RUBCN: variants seen among roughly 807,000 people sequenced by gnomAD.
RUBCN encodes the protein run domain Beclin-1-interacting and cysteine-rich domain-containing protein.
RUBCN carries 74 observed loss-of-function variants against 113.2 expected under a neutral mutation model. The ratio of observed to expected loss-of-function variants is 0.65; its 90% CI spans 0.54 to 0.79. The LOEUF (loss-of-function observed/expected upper bound fraction) is 0.79, where lower values mean the gene tolerates loss of function less well. Among genes scored for constraint, RUBCN ranks in the 30% least tolerant of loss-of-function variants. The probability of loss-of-function intolerance (pLI) is 0.00; values close to 1 mark genes in which losing one functional copy is unlikely to be tolerated. For synonymous variants in RUBCN, 480 were observed against 490.0 expected (o/e 0.98, Z 0.27); for missense variants, 1,109 against 1,251.7 (o/e 0.89, Z 1.72).
intron 16 of RUBCN, 82 bp from the exon 17 acceptor site, chr3:197,677,623 C>A: frequency 7.7e-7 from 1 of 1,293,798 alleles, no homozygotes; most frequent in Non-Finnish European, 1.1e-6. Flanking sequence ...GGCCTTTAAA[C>A]CCTGGGGTTC....
chr3:197,725,795 G>A (rs1472197708), intron 1 of RUBCN, among the ~76,000 whole-genome samples: 1 of 152,244 alleles, frequency 6.6e-6, no homozygotes, highest in Admixed American at 6.5e-5. Context: ...ACATACGGAT[G>A]AAAAATCCCT....
rs747361494 is a variant in RUBCN, at chr3:197,693,867, T to C, written c.1685-51A>G. The C allele has an allele frequency of 4.1e-6, 5 of 1,229,404 alleles. No individual in the cohort carries two copies. In the Admixed American group the frequency reaches 8.4e-5, roughly 21 times the overall value. The allele number at this position is 1,229,404 out of a possible 1,614,324, so 76.2% of individuals were successfully genotyped here. A position where few individuals can be genotyped will look rare whatever the true frequency, so the allele number is the denominator to read the frequency against. ...ATAAACAGGGCAGAAAGAGGTCTTC[T>C]TGTCCTTCCAGTGTCACAATATAAG... is the stretch of plus-strand genomic sequence containing the variant. On this transcript the variant is annotated intron_variant, in intron 10 of 19. Transcript: ENST00000296343.
At chr3:197,684,256 CG>C (rs1284659323) in intron 11 of RUBCN, 39 bp from the exon 12 acceptor site, 1 of 1,547,378 alleles carries the variant, frequency 6.5e-7, no homozygotes. Context: ...GCAATGGAAA[CG>C]GGGTGGGTAA....
At chr3:197,738,753 T>A (rs183435825), upstream of RUBCN, among the ~76,000 whole-genome samples, 60 of 126,046 alleles carry the variant, frequency 4.8e-4, no homozygotes, top group East Asian at 0.011. Flanking sequence ...GCTAATTTGT[T>A]TTTTTTTTTT....
At position 197,714,183 on chromosome 3, in the gene RUBCN, G is replaced by A. The variant is rs561016638; in HGVS notation, c.219+3794C>T. ...TGTGAGCAGTCTGATTCAAAAGTCC[G>A]TAATTTTAACTGCTACGTCACTTTA... On this transcript the variant is annotated intron_variant, in intron 2 of 19. Transcript: ENST00000296343. 5.3e-5 allele frequency among the ~76,000 whole-genome samples: 8 copies of A among 152,272 alleles called. No individual in the cohort carries two copies. In the South Asian group the frequency reaches 8.3e-4, roughly 16 times the overall value.
chr3:197,676,938 G>A lies in RUBCN; in HGVS notation c.2593C>T (p.Pro865Ser), dbSNP rs376725486. The A allele has an allele frequency of 1.2e-6, 2 of 1,614,088 alleles. No individual in the cohort carries two copies. Among genetic ancestry groups the A allele is most frequent in the Admixed American group, 1.7e-5 (1 of 60,014 alleles). Residue 865 changes from proline to serine, a missense_variant, in exon 18 of 20, where the codon CCC becomes TCC. Pro to Ser is a moderately conservative substitution (Grantham distance 74). This residue lies in a region of RUBCN where 306 missense variants were observed against 348.9 expected (regional missense o/e 0.88). Transcript: ENST00000296343. The part of the protein sequence containing the change: ...LTATRKGELG[P>S]RLAELTRAGA... ...GCCCTGGTGAGCTCAGCAAGCCGGG[G>A]CCCCAGCTCCCCCTTCCTGGTCGCA...
At chr3:197,691,089 C>T (rs1722372230) in intron 11 of RUBCN, 1 of 1,289,204 alleles carries the variant, frequency 7.8e-7, no homozygotes, top group Non-Finnish European at 1.0e-6. Context: ...AACATCGAGG[C>T]CAGTGACACT....
chr3:197,691,478 A>G (rs2108876797), intron 11 of RUBCN, among the ~76,000 whole-genome samples: 1 of 152,178 alleles, frequency 6.6e-6, no homozygotes, highest in Admixed American at 6.6e-5. Context: ...GAATGACACT[A>G]AACATCTTAC....
rs143705065 is a variant in RUBCN at position 197,684,997 on chromosome 3, C to T, written c.1787-780G>A. 8.7e-4 allele frequency among the ~76,000 whole-genome samples: 133 copies of T among 152,310 alleles called. 1 individual carries two copies. The highest frequency in any genetic ancestry group is 3.1e-3 in the African/African-American group (127 of 41,578). Reference sequence around the variant, plus strand: ...TGGAGGAAAAGGAACTTCTCTACAGCTTTGCAGCTCTCTGGAGATGCCTGG... The same window carrying T: ...TGGAGGAAAAGGAACTTCTCTACAGTTTTGCAGCTCTCTGGAGATGCCTGG... On this transcript the variant is annotated intron_variant, in intron 11 of 19. Transcript: ENST00000296343.
chr3:197,739,044 G>C (rs985688129), upstream of RUBCN, among the ~76,000 whole-genome samples: 5 of 151,442 alleles, frequency 3.3e-5, no homozygotes, highest in East Asian at 7.9e-4. Context: ...GGGTTCAAGC[G>C]ATTCTCCTGC....
intron 7 of RUBCN, chr3:197,699,227 G>A: frequency 6.5e-7 from 1 of 1,548,742 alleles, no homozygotes; most frequent in Non-Finnish European, 8.7e-7. Flanking sequence ...TATTCCTGGG[G>A]CCTCCTGCCG....
chr3:197,694,405 G>A lies in RUBCN; in HGVS notation c.1654C>T (p.Leu552Phe). 6.2e-7 allele frequency: 1 copy of A among 1,614,256 alleles called. No homozygotes were observed. The highest frequency in any genetic ancestry group is 8.5e-7 in the Non-Finnish European group (1 of 1,180,042). The change falls in exon 10 of 20, where the codon CTC (leucine) becomes TTC (phenylalanine). Residue 552 changes from leucine to phenylalanine, a missense_variant. By Grantham distance (22) the Leu-to-Phe change is conservative. Around this residue, in one of 3 missense-constraint regions of RUBCN, gnomAD observed 736 missense variants for 779.6 expected, o/e 0.94. Transcript: ENST00000296343. ...TGCTCAGCCTCCTGGTACATGGGGA[G>A]CAGGTTCTTGGTGCGGATTTGCTGG... ...RRQQIRTKNL[L>F]PMYQEAEHGS...
chr3:197,727,068 T>C (rs1240248480), intron 1 of RUBCN, among the ~76,000 whole-genome samples: 1 of 151,802 alleles, frequency 6.6e-6, no homozygotes, highest in Non-Finnish European at 1.5e-5. Context: ...GCCTCCCAAG[T>C]AGCTGAGATT....
chr3:197,736,586 C>T, intron 1 of RUBCN, 69 bp downstream of exon 1: 1 of 1,473,156 alleles, frequency 6.8e-7, no homozygotes, highest in Non-Finnish European at 9.2e-7. Context: ...CGTGACCCCG[C>T]GCCCTCCCAA....
chr3:197,697,607 G>A (rs966116821), intron 7 of RUBCN, among the ~76,000 whole-genome samples: 12 of 152,166 alleles, frequency 7.9e-5, no homozygotes, highest in Non-Finnish European at 5.9e-5. Context: ...GGCTCGGCCC[G>A]GCCTTACTGA....
Position 197,687,851 on chromosome 3 carries a change from G to A in RUBCN, c.1787-3634C>T, listed in dbSNP as rs185533036. 1.9e-3 allele frequency among the ~76,000 whole-genome samples: 293 copies of A among 152,214 alleles called. 5 individuals are homozygous for A. The highest frequency in any genetic ancestry group is 0.015 in the Admixed American group (233 of 15,298). On this transcript the variant is annotated intron_variant, in intron 11 of 19. Transcript: ENST00000296343. Reference sequence around the variant, plus strand: ...GGCATGCCACCTCCCTGTGGAGAGCGTCCCCTGGCACCATCTCAGGGCAGC... The same window carrying A: ...GGCATGCCACCTCCCTGTGGAGAGCATCCCCTGGCACCATCTCAGGGCAGC...
rs12639385 is a variant in RUBCN, at chr3:197,683,476, G to C, written c.1848-37C>G. On this transcript the variant is annotated intron_variant, in intron 12 of 19. Transcript: ENST00000296343. This position sits in a 1 kb window ranked among gnomAD's most constrained non-coding sequence, Gnocchi z 4.6. ...AGAATCAAGGACGGCTGAACACAGG[G>C]AAAGGATGGGCGATGCGAGGCTTCC... 2 of 1,612,290 alleles carry C rather than the reference G, an allele frequency of 1.2e-6. No homozygotes were observed. Among genetic ancestry groups the C allele is most frequent in the Non-Finnish European group, 1.7e-6 (2 of 1,179,508 alleles).
In RUBCN at chr3:197,686,494, G is replaced by A. The variant is rs140405326; in HGVS notation, c.1787-2277C>T. On this transcript the variant is annotated intron_variant, in intron 11 of 19. Coordinates refer to ENST00000296343, the MANE Select transcript of RUBCN (RefSeq NM_014687.4). ...CAAAGGGGCCATGACCCCTGACCCC[G>A]GCCAAGGACCACGCAGCTCTGCGGG... is the stretch of plus-strand genomic sequence containing the variant. Among the ~76,000 whole-genome samples the A allele has an allele frequency of 3.7e-3, 566 of 152,274 alleles. 3 individuals carry two copies. Among genetic ancestry groups the A allele is most frequent in the South Asian group, 0.017 (84 of 4,830 alleles).
intron 13 of RUBCN, among the ~76,000 whole-genome samples, chr3:197,682,999 A>G: frequency 6.6e-6 from 1 of 152,198 alleles, no homozygotes; most frequent in East Asian, 1.9e-4. Context: ...CTTAAAGACA[A>G]CTGCAGAGCA....
Sources: allele counts gnomAD v4.1 joint callset (sites outside exome capture counted in the v4.1 genomes callset), GRCh38; gene constraint gnomAD v4.1.1; regional missense constraint gnomAD v4.1.1; non-coding constraint Gnocchi (gnomAD v3.1); transcripts MANE v1.5; gene names NCBI Gene and HGNC (gene_info 2026-07-23, HGNC 2026-07-21).